Variants in CRTAC1 observed in about 807,000 individuals in gnomAD.
CRTAC1 encodes the protein acidic secreted protein in cartilage.
In CRTAC1, 37 loss-of-function variants were observed where a neutral mutation model predicts 67.8. The ratio of observed to expected loss-of-function variants is 0.55; its 90% CI spans 0.42 to 0.72. The LOEUF (loss-of-function observed/expected upper bound fraction) is 0.72. Among genes scored for constraint, CRTAC1 ranks in the 30% least tolerant of loss-of-function variants. The pLI is 0.00. For synonymous variants in CRTAC1, 348 were observed against 371.0 expected (o/e 0.94, Z 0.71); for missense variants, 780 against 931.6 (o/e 0.84, Z 2.12).
chr10:98,003,167 G>A (rs1203621742), intron 2 of CRTAC1, among the ~76,000 whole-genome samples: 3 of 152,060 alleles, frequency 2.0e-5, no homozygotes, highest in Admixed American at 6.6e-5. Context: ...TTATTGTTGC[G>A]AAATTACACA....
intron 2 of CRTAC1, among the ~76,000 whole-genome samples, chr10:97,990,670 C>T (rs1842427966): frequency 6.6e-6 from 1 of 152,228 alleles, no homozygotes; most frequent in African/African-American, 2.4e-5. Context: ...CACATTGACT[C>T]TCTTTCTGAG....
intron 11 of CRTAC1, among the ~76,000 whole-genome samples, chr10:97,891,563 C>T (rs1408211321): frequency 1.3e-5 from 2 of 152,264 alleles, no homozygotes; most frequent in Non-Finnish European, 1.5e-5. Context: ...GTCCCGTGTC[C>T]ATCTGCCTTC....
intron 5 of CRTAC1, among the ~76,000 whole-genome samples, chr10:97,915,557 C>G (rs2050747031): frequency 6.6e-6 from 1 of 152,152 alleles, no homozygotes; most frequent in Non-Finnish European, 1.5e-5. Context: ...GGCCACGCGC[C>G]CAAAGCCTCA....
rs375216122 is a variant in CRTAC1 at position 98,018,436 on chromosome 10, C to T, written c.25-7099G>A. Among the ~76,000 whole-genome samples the T allele has an allele frequency of 1.1e-4, 17 of 152,164 alleles. 1 individual carries two copies. Among genetic ancestry groups the T allele is most frequent in the Admixed American group, 9.8e-4 (15 of 15,282 alleles). On this transcript the variant is annotated intron_variant, in intron 1 of 14. Transcript: ENST00000370597. ...GAAGGCCTCTCCAGGGCCAGGCAGG[C>T]GGCAGCCAACTTGCACGTTCCCCTT...
chr10:97,986,983 G>A (rs2051992738), intron 2 of CRTAC1, among the ~76,000 whole-genome samples: 1 of 152,204 alleles, frequency 6.6e-6, no homozygotes, highest in South Asian at 2.1e-4. Flanking sequence ...AAATACTAAT[G>A]CCAGAGTGTC....
intron 2 of CRTAC1, among the ~76,000 whole-genome samples, chr10:97,991,293 G>C (rs1001590285): frequency 6.6e-6 from 1 of 151,504 alleles, no homozygotes; most frequent in Non-Finnish European, 1.5e-5. Flanking sequence ...CACACCTGTA[G>C]TGTCAGCTAC....
chr10:97,955,289 G>T (rs555476677), intron 2 of CRTAC1, among the ~76,000 whole-genome samples: 1 of 152,220 alleles, frequency 6.6e-6, no homozygotes, highest in Non-Finnish European at 1.5e-5. Context: ...AGAAAGAGAC[G>T]GGCTCTGGGC....
At chr10:97,985,270 T>C (rs1239014058) in intron 2 of CRTAC1, among the ~76,000 whole-genome samples, 1 of 152,224 alleles carries the variant, frequency 6.6e-6, no homozygotes, top group African/African-American at 2.4e-5. Flanking sequence ...ATATTATGTA[T>C]AAGAATTTTT....
At chr10:97,889,726 G>T (rs546530858) in intron 11 of CRTAC1, among the ~76,000 whole-genome samples, 1 of 152,060 alleles carries the variant, frequency 6.6e-6, no homozygotes, top group Non-Finnish European at 1.5e-5. Context: ...TCACACATGC[G>T]CACTGCACCT....
chr10:97,891,901 ACCCAAGGG>A (rs1458786571), intron 11 of CRTAC1, among the ~76,000 whole-genome samples: 1 of 152,244 alleles, frequency 6.6e-6, no homozygotes, highest in Admixed American at 6.5e-5. Context: ...GCGCCTCGTG[ACCCAAGGG>A]CCCTGCCCCT....
intron 5 of CRTAC1, among the ~76,000 whole-genome samples, chr10:97,909,702 T>C (rs374104436): frequency 1.3e-5 from 2 of 152,258 alleles, no homozygotes; most frequent in East Asian, 3.9e-4. Flanking sequence ...CACTACTAGG[T>C]ATATATATCC....
chr10:97,957,274 T>C (rs144212935), intron 2 of CRTAC1, among the ~76,000 whole-genome samples: 222 of 152,196 alleles, frequency 1.5e-3, no homozygotes, highest in African/African-American at 5.1e-3. Context: ...AGAATTGAGG[T>C]GCAGAAGTGG....
intron 14 of CRTAC1, chr10:97,870,520 G>C (rs1024389679): frequency 6.6e-6 from 1 of 152,120 alleles, no homozygotes; most frequent in Non-Finnish European, 1.5e-5. Flanking sequence ...CAGAGTGCCA[G>C]TTACACGGGG....
At chr10:97,980,574 G>A (rs1351366670) in intron 2 of CRTAC1, among the ~76,000 whole-genome samples, 1 of 152,200 alleles carries the variant, frequency 6.6e-6, no homozygotes, top group Non-Finnish European at 1.5e-5. Context: ...TGTCACAGGA[G>A]CAAACCAGGC....
In CRTAC1 at chr10:97,975,344, C is replaced by T. The variant is rs372004496; in HGVS notation, c.224+35794G>A. 1.3e-4 allele frequency among the ~76,000 whole-genome samples: 20 copies of T among 152,114 alleles called. No homozygotes were observed. The highest frequency in any genetic ancestry group is 4.8e-4 in the African/African-American group (20 of 41,518). ...CCAGGGCCGGTTCCTGACCCGCCTC[C>T]TGGCTGGAGGGTTCAAAAGACTTCA... On this transcript the variant is annotated intron_variant, in intron 2 of 14. Coordinates refer to ENST00000370597, the MANE Select transcript of CRTAC1 (RefSeq NM_018058.7). The surrounding 1 kb of genome is among the most constrained non-coding windows in gnomAD (Gnocchi z 4.8).
intron 3 of CRTAC1, among the ~76,000 whole-genome samples, chr10:97,927,180 C>T (rs1289183070): frequency 6.6e-6 from 1 of 152,166 alleles, no homozygotes; most frequent in Non-Finnish European, 1.5e-5. Context: ...ACTCTGTCCC[C>T]CTCTGTTTGC....
chr10:97,995,605 G>A (rs947608157), intron 2 of CRTAC1, among the ~76,000 whole-genome samples: 3 of 152,044 alleles, frequency 2.0e-5, no homozygotes, highest in African/African-American at 4.8e-5. Context: ...GTATTACTGG[G>A]TTCACAAACT....
chr10:97,989,257 A>ATC (rs923378943), intron 2 of CRTAC1, among the ~76,000 whole-genome samples: 2 of 151,064 alleles, frequency 1.3e-5, no homozygotes, highest in African/African-American at 4.9e-5. Context: ...AAATAAATCA[A>ATC]TCTCTCTCTC....
chr10:97,879,346 C>T (rs753269757), intron 14 of CRTAC1, among the ~76,000 whole-genome samples: 2 of 152,110 alleles, frequency 1.3e-5, no homozygotes, highest in Admixed American at 6.5e-5. Context: ...ACCTGGGAGC[C>T]ATCTTTGTTA....
Sources: gnomAD v4.1 joint callset for allele counts (sites outside exome capture counted in the v4.1 genomes callset) on GRCh38, gnomAD v4.1.1 for gene constraint, Gnocchi (gnomAD v3.1) non-coding constraint, MANE v1.5 for transcripts, NCBI Gene and HGNC (gene_info 2026-07-23, HGNC 2026-07-21) for gene names.